The following CSMD1 variants were observed in gnomAD, a reference collection of about 807,000 sequenced individuals.
CSMD1 encodes CUB and Sushi multiple domains 1, also known as CUB and sushi domain-containing protein 1.
A neutral mutation model predicts 417.5 loss-of-function variants in CSMD1; 213 were observed. That is an observed-to-expected ratio of 0.51 (90% confidence interval 0.46 to 0.57). The LOEUF (loss-of-function observed/expected upper bound fraction) is 0.57, where lower values mean the gene tolerates loss of function less well. Ranked by LOEUF, CSMD1 falls within the 20% of genes least tolerant of loss-of-function variation. CSMD1 has a pLI of 0.00. For missense variants in CSMD1, 6,923 were observed against 4,529.7 expected (o/e 1.53, Z -15.17); for synonymous variants, 2,862 against 1,736.8 (o/e 1.65, Z -16.11).
intron 3 of CSMD1, among the ~76,000 whole-genome samples, chr8:4,329,476 C>T (rs574277002): frequency 1.1e-3 from 174 of 152,186 alleles, no homozygotes; most frequent in Middle Eastern, 3.4e-3. Flanking sequence ...TCAGGATAGA[C>T]GGCATTTCAC....
intron 12 of CSMD1, among the ~76,000 whole-genome samples, chr8:3,420,540 G>C (rs1813423430): frequency 1.3e-5 from 2 of 149,686 alleles, no homozygotes; most frequent in Admixed American, 1.4e-4. Context: ...GAAACTGGCT[G>C]TGGGGTGGAC....
intron 33 of CSMD1, among the ~76,000 whole-genome samples, chr8:3,196,746 C>A (rs1419261224): frequency 1.3e-5 from 2 of 152,196 alleles, no homozygotes; most frequent in East Asian, 3.9e-4. Context: ...GTTGGTAATG[C>A]AGGTCACTCA....
chr8:4,916,948 T>A (rs1806104544), intron 1 of CSMD1, among the ~76,000 whole-genome samples: 1 of 152,212 alleles, frequency 6.6e-6, no homozygotes, highest in South Asian at 2.1e-4. Flanking sequence ...AGACATGTCA[T>A]TAGGCATCCG....
At chr8:4,909,748 T>C (rs915440147) in intron 1 of CSMD1, among the ~76,000 whole-genome samples, 6 of 152,206 alleles carry the variant, frequency 3.9e-5, no homozygotes, top group Admixed American at 1.3e-4. Flanking sequence ...CACCTGTATA[T>C]AGCTCCTATA....
chr8:3,934,654 G>T lies in CSMD1; in HGVS notation c.818+63249C>A, dbSNP rs543775657. On this transcript the variant is annotated intron_variant, in intron 5 of 69. Coordinates refer to ENST00000635120, the MANE Select transcript of CSMD1 (RefSeq NM_033225.6). ...AGATCACCTCAGGTCAGGAGTTCGAGACCAGCCTGGCCAACATGATGAAAC... is the reference window on the plus strand; with the variant it reads ...AGATCACCTCAGGTCAGGAGTTCGATACCAGCCTGGCCAACATGATGAAAC... 2.5e-4 allele frequency among the ~76,000 whole-genome samples: 38 copies of T among 152,128 alleles called. No homozygotes were observed. The East Asian group carries it at 7.4e-3, about 30-fold the overall frequency.
rs529883149 is a variant in CSMD1, at chr8:4,014,828, G to A, written c.611-16718C>T. 2.9e-4 allele frequency among the ~76,000 whole-genome samples: 44 copies of A among 152,184 alleles called. No homozygotes were observed. The South Asian group carries it at 4.3e-3, about 15-fold the overall frequency. On this transcript the variant is annotated intron_variant, in intron 4 of 69. Transcript: ENST00000635120. ...CTTTACAGCTCTATAACCTAACATG[G>A]TATCTGCATGGAATAAAATAATTTT...
chr8:3,978,981 G>C (rs576420410), intron 5 of CSMD1, among the ~76,000 whole-genome samples: 3 of 152,310 alleles, frequency 2.0e-5, no homozygotes, highest in South Asian at 2.1e-4. Context: ...CTAGAAGCTT[G>C]CATTTTACAA....
chr8:4,647,395 G>C (rs1403816202), intron 1 of CSMD1, among the ~76,000 whole-genome samples: 1 of 151,242 alleles, frequency 6.6e-6, no homozygotes, highest in Non-Finnish European at 1.5e-5. Context: ...TGCCACGGAG[G>C]TCTGTTAGGT....
At chr8:3,188,005 T>G (rs914750058) in intron 35 of CSMD1, 40 bp from the exon 36 acceptor site, 1 of 1,534,038 alleles carries the variant, frequency 6.5e-7, no homozygotes, top group Admixed American at 1.8e-5. Flanking sequence ...TATTTTTGGC[T>G]TAACACAATT....
intron 5 of CSMD1, among the ~76,000 whole-genome samples, chr8:3,906,486 T>C (rs1244896380): frequency 1.3e-5 from 2 of 152,054 alleles, no homozygotes; most frequent in East Asian, 1.9e-4. Flanking sequence ...GGACAAAGTG[T>C]ATCCGATAAG....
At chr8:3,994,071 C>G (rs986294051) in intron 5 of CSMD1, among the ~76,000 whole-genome samples, 16 of 152,190 alleles carry the variant, frequency 1.1e-4, no homozygotes, top group African/African-American at 3.4e-4. Context: ...GGAAGGCACA[C>G]TGAGGCTTCC....
At chr8:3,543,637 T>C (rs568506033) in intron 10 of CSMD1, among the ~76,000 whole-genome samples, 2 of 142,470 alleles carry the variant, frequency 1.4e-5, no homozygotes, top group East Asian at 2.0e-4. Context: ...CCTAAATAAC[T>C]GAAAAAAAAA....
chr8:3,904,770 G>A (rs1418481409), intron 5 of CSMD1, among the ~76,000 whole-genome samples: 2 of 151,712 alleles, frequency 1.3e-5, no homozygotes, highest in African/African-American at 2.4e-5. Flanking sequence ...CCAAGTAGCT[G>A]AGATTACAGG....
intron 7 of CSMD1, among the ~76,000 whole-genome samples, chr8:3,632,744 G>C (rs995005617): frequency 2.6e-5 from 4 of 152,170 alleles, no homozygotes; most frequent in African/African-American, 9.7e-5. Flanking sequence ...CAATGTCCTT[G>C]CCAAGTTTTG....
intron 2 of CSMD1, among the ~76,000 whole-genome samples, chr8:4,633,100 G>A (rs1236055894): frequency 2.0e-5 from 3 of 152,178 alleles, no homozygotes; most frequent in Admixed American, 2.0e-4. Flanking sequence ...TCCCGAGAGG[G>A]GAGCCTGGGG....
At chr8:3,409,356 C>T (rs964127233) in intron 13 of CSMD1, 67 bp downstream of exon 13, 3 of 1,394,454 alleles carry the variant, frequency 2.2e-6, no homozygotes, top group Non-Finnish European at 2.9e-6. Flanking sequence ...CTGTGTCTTT[C>T]TCCTTTTCTC....
At chr8:4,991,775 C>G (rs907940439) in intron 1 of CSMD1, among the ~76,000 whole-genome samples, 3 of 152,186 alleles carry the variant, frequency 2.0e-5, no homozygotes, top group African/African-American at 4.8e-5. Context: ...AGCGCACAAA[C>G]GGCGACTCCG....
chr8:2,979,826 A>G (rs1203482556), intron 54 of CSMD1, among the ~76,000 whole-genome samples: 1 of 152,260 alleles, frequency 6.6e-6, no homozygotes, highest in Non-Finnish European at 1.5e-5. Context: ...TTGAATCAAA[A>G]AAGCCAAAAC....
intron 26 of CSMD1, among the ~76,000 whole-genome samples, chr8:3,255,607 T>C (rs1483451799): frequency 6.6e-6 from 1 of 152,192 alleles, no homozygotes; most frequent in Non-Finnish European, 1.5e-5. Context: ...CCCTGCAGTT[T>C]GATCTCAGAC....
Sources: allele counts gnomAD v4.1 joint callset (sites outside exome capture counted in the v4.1 genomes callset), GRCh38; gene constraint gnomAD v4.1.1; transcripts MANE v1.5; gene names NCBI Gene and HGNC (gene_info 2026-07-23, HGNC 2026-07-21).